The following CCBE1 variants were observed in gnomAD, a reference collection of about 807,000 sequenced individuals.
CCBE1 encodes collagen and calcium binding EGF domains 1, also known as collagen and calcium-binding EGF domain-containing protein 1.
CCBE1 carries 37 observed loss-of-function variants against 50.0 expected under a neutral mutation model. The observed-to-expected ratio is 0.74, with a 90% CI of 0.57 to 0.97. The LOEUF (loss-of-function observed/expected upper bound fraction) is 0.97. Among genes scored for constraint, CCBE1 ranks in the 50% least tolerant of loss-of-function variants. The pLI is 0.00. For missense variants in CCBE1, 538 were observed against 523.8 expected (o/e 1.03, Z -0.26); for synonymous variants, 234 against 203.7 (o/e 1.15, Z -1.27).
intron 2 of CCBE1, among the ~76,000 whole-genome samples, chr18:59,546,727 G>C (rs1915698868): frequency 6.6e-6 from 1 of 151,982 alleles, no homozygotes; most frequent in Non-Finnish European, 1.5e-5. Context: ...TCTGTTCTTT[G>C]CATTTTAAAC....
At chr18:59,681,653 C>G (rs558381902) in intron 2 of CCBE1, among the ~76,000 whole-genome samples, 2 of 152,216 alleles carry the variant, frequency 1.3e-5, no homozygotes, top group Non-Finnish European at 2.9e-5. Flanking sequence ...TGGGCTCCTG[C>G]ACTTACCCAG....
chr18:59,497,082 T>A (rs747688347), intron 2 of CCBE1, among the ~76,000 whole-genome samples: 4 of 152,234 alleles, frequency 2.6e-5, no homozygotes, highest in Admixed American at 6.5e-5. Context: ...GTACCTAGTA[T>A]AGCACCTACT....
Position 59,535,783 on chromosome 18 carries a change from A to C in CCBE1, c.213-55545T>G, listed in dbSNP as rs117321759. On this transcript the variant is annotated intron_variant, in intron 2 of 10. Transcript: ENST00000439986. Reference sequence around the variant, plus strand: ...GTCAAAGATTAAATACTTGAAAAACAGTATTTATTGCTAAGAAAAACGTAC... The same window carrying C: ...GTCAAAGATTAAATACTTGAAAAACCGTATTTATTGCTAAGAAAAACGTAC... 3.4e-4 allele frequency among the ~76,000 whole-genome samples: 52 copies of C among 152,374 alleles called. No individual in the cohort carries two copies. In the East Asian group the frequency reaches 9.8e-3, roughly 29 times the overall value.
At chr18:59,679,743 C>A (rs1165453021) in intron 2 of CCBE1, among the ~76,000 whole-genome samples, 2 of 152,314 alleles carry the variant, frequency 1.3e-5, no homozygotes, top group East Asian at 3.9e-4. Context: ...GTCCATGACA[C>A]AGCCTCAGGA....
intron 2 of CCBE1, 161 bp downstream of exon 2, chr18:59,696,468 C>A (rs1424404745): frequency 6.0e-6 from 9 of 1,497,296 alleles, no homozygotes; most frequent in Non-Finnish European, 8.0e-6. Context: ...CCGATCCAAC[C>A]AACCCTCAAA....
rs1254197702 is a variant in CCBE1, at chr18:59,431,650, T to C, written c.*4258A>G. On this transcript the variant is annotated 3_prime_UTR_variant, in exon 11 of 11. Transcript: ENST00000439986. ...ACAGCAATTATGAACCTTGGAAAGA[T>C]GGCCAAAGCCAGGGTGCTCTTCGCT... The C allele has an allele frequency of 6.6e-6, 1 of 152,282 alleles. No individual in the cohort carries two copies. Among genetic ancestry groups the C allele is most frequent in the African/African-American group, 2.4e-5 (1 of 41,476 alleles). The allele number at this position is 152,282 out of a possible 1,614,324, so 9.4% of individuals were successfully genotyped here.
chr18:59,645,882 A>T lies in CCBE1; in HGVS notation c.212+50747T>A, dbSNP rs1415498463. 4.6e-5 allele frequency among the ~76,000 whole-genome samples: 7 copies of T among 152,132 alleles called. No homozygotes were observed. The South Asian group carries it at 1.5e-3, about 32-fold the overall frequency. On this transcript the variant is annotated intron_variant, in intron 2 of 10. Transcript: ENST00000439986. ...CCGTCTCTGCTAAAAATACAAAAAAATAGCCGGGTGTGGTGGCGGGTGCCT... is the reference window on the plus strand; with the variant it reads ...CCGTCTCTGCTAAAAATACAAAAAATTAGCCGGGTGTGGTGGCGGGTGCCT...
At chr18:59,591,710 C>T (rs2053272390) in intron 2 of CCBE1, among the ~76,000 whole-genome samples, 1 of 152,166 alleles carries the variant, frequency 6.6e-6, no homozygotes, top group Non-Finnish European at 1.5e-5. Context: ...GGTGGGCATA[C>T]AAACTGGTTC....
In CCBE1 at chr18:59,538,907, G is replaced by A. The variant is rs572607751; in HGVS notation, c.213-58669C>T. Among the ~76,000 whole-genome samples, 10 of 152,296 alleles carry A rather than the reference G, an allele frequency of 6.6e-5. No individual in the cohort carries two copies. In the East Asian group the frequency reaches 9.6e-4, roughly 15 times the overall value. On this transcript the variant is annotated intron_variant, in intron 2 of 10. Coordinates refer to ENST00000439986, the MANE Select transcript of CCBE1 (RefSeq NM_133459.4). Reference sequence around the variant, plus strand: ...AGTTATAAAAGACTAGGCTGGGTTCGTGGCTCCCACCTGTAATCCCAGCAC... The same window carrying A: ...AGTTATAAAAGACTAGGCTGGGTTCATGGCTCCCACCTGTAATCCCAGCAC...
intron 2 of CCBE1, among the ~76,000 whole-genome samples, chr18:59,605,256 G>A (rs1203729148): frequency 2.0e-5 from 3 of 152,172 alleles, no homozygotes; most frequent in African/African-American, 7.2e-5. Flanking sequence ...CATGTTTTAG[G>A]GAACAGCTAA....
chr18:59,573,791 C>T (rs1056036506), intron 2 of CCBE1, among the ~76,000 whole-genome samples: 6 of 152,182 alleles, frequency 3.9e-5, no homozygotes, highest in Non-Finnish European at 7.3e-5. Context: ...CAGAATCCTA[C>T]AGAACTTAAC....
At chr18:59,581,532 C>G (rs2053084191) in intron 2 of CCBE1, among the ~76,000 whole-genome samples, 1 of 151,966 alleles carries the variant, frequency 6.6e-6, no homozygotes, top group Non-Finnish European at 1.5e-5. Context: ...TTGGAAATAC[C>G]CAGATCCACT....
At chr18:59,543,119 A>G (rs1486147789) in intron 2 of CCBE1, among the ~76,000 whole-genome samples, 2 of 151,928 alleles carry the variant, frequency 1.3e-5, no homozygotes, top group African/African-American at 4.9e-5. Flanking sequence ...AATGCTTTCC[A>G]TATTTTACAC....
chr18:59,582,588 G>A (rs1443010896), intron 2 of CCBE1, among the ~76,000 whole-genome samples: 2 of 152,170 alleles, frequency 1.3e-5, no homozygotes, highest in Non-Finnish European at 2.9e-5. Context: ...ACACCCTGGA[G>A]TAGTGATGGG....
rs112532075 is a variant in CCBE1, at chr18:59,606,539, C to T, written c.212+90090G>A. 5.1e-3 allele frequency among the ~76,000 whole-genome samples: 772 copies of T among 152,262 alleles called. 12 individuals are homozygous for T. Among genetic ancestry groups the T allele is most frequent in the African/African-American group, 0.017 (715 of 41,536 alleles). On this transcript the variant is annotated intron_variant, in intron 2 of 10. Transcript: ENST00000439986. ...TACTCTTCAAAGATAACATCCCGTCCGTATGTGACTCCCTGCATCTTGCAC... is the reference window on the plus strand; with the variant it reads ...TACTCTTCAAAGATAACATCCCGTCTGTATGTGACTCCCTGCATCTTGCAC...
intron 7 of CCBE1, among the ~76,000 whole-genome samples, chr18:59,447,637 G>T (rs1396971989): frequency 6.6e-6 from 1 of 152,170 alleles, no homozygotes; most frequent in Admixed American, 6.5e-5. Flanking sequence ...AGCAGGGGGG[G>T]TTCATAATAC....
chr18:59,685,797 G>A (rs755608684), intron 2 of CCBE1: 7 of 152,212 alleles, frequency 4.6e-5, no homozygotes, highest in African/African-American at 1.4e-4. Context: ...ACATTCTGTT[G>A]TTATAGTGAT....
At chr18:59,482,882 C>A (rs1197595714) in intron 2 of CCBE1, among the ~76,000 whole-genome samples, 1 of 151,864 alleles carries the variant, frequency 6.6e-6, no homozygotes, top group Non-Finnish European at 1.5e-5. Context: ...GGTTAAATTA[C>A]CGTTTTTAAG....
intron 2 of CCBE1, among the ~76,000 whole-genome samples, chr18:59,654,983 AG>A (rs1323366896): frequency 1.3e-5 from 2 of 151,468 alleles, no homozygotes; most frequent in African/African-American, 4.9e-5. Flanking sequence ...GCTACTTGGA[AG>A]GCTGAGGCAG....
Sources: allele counts gnomAD v4.1 joint callset (sites outside exome capture counted in the v4.1 genomes callset), GRCh38; gene constraint gnomAD v4.1.1; transcripts MANE v1.5; gene names NCBI Gene and HGNC (gene_info 2026-07-23, HGNC 2026-07-21).